Variants in L3MBTL4 observed in about 807,000 individuals in gnomAD.
L3MBTL4 encodes the protein lethal(3)malignant brain tumor-like protein 4.
A neutral mutation model predicts 84.5 loss-of-function variants in L3MBTL4; 70 were observed. The ratio of observed to expected loss-of-function variants is 0.83; its 90% CI spans 0.68 to 1.01. The LOEUF is 1.01. Among genes scored for constraint, L3MBTL4 ranks in the 50% least tolerant of loss-of-function variants. The probability of loss-of-function intolerance (pLI) is 0.00; values close to 1 mark genes in which losing one functional copy is unlikely to be tolerated. For synonymous variants in L3MBTL4, 274 were observed against 259.8 expected (o/e 1.05, Z -0.52); for missense variants, 715 against 754.8 (o/e 0.95, Z 0.62).
At chr18:6,393,172 T>C (rs1372480997) in intron 1 of L3MBTL4, among the ~76,000 whole-genome samples, 4 of 152,222 alleles carry the variant, frequency 2.6e-5, no homozygotes, top group Non-Finnish European at 5.9e-5. Context: ...CCAAATGTAA[T>C]CACACATTAT....
intron 16 of L3MBTL4, among the ~76,000 whole-genome samples, chr18:6,027,644 C>T (rs987383580): frequency 2.0e-5 from 3 of 152,176 alleles, no homozygotes; most frequent in Non-Finnish European, 4.4e-5. Context: ...CTAATTCACG[C>T]TCCCACCAAC....
chr18:6,015,037 C>A (rs556567049), intron 16 of L3MBTL4, among the ~76,000 whole-genome samples: 2 of 151,482 alleles, frequency 1.3e-5, no homozygotes, highest in Non-Finnish European at 2.9e-5. Context: ...GGGAGGTTTG[C>A]GGGGAGGAAA....
intron 4 of L3MBTL4, 126 bp from the exon 5 acceptor site, chr18:6,264,164 T>A: frequency 1.5e-6 from 1 of 666,216 alleles, no homozygotes; most frequent in Non-Finnish European, 2.6e-6. Flanking sequence ...ACCCAGCAAC[T>A]AAGAAGAGTC....
intron 12 of L3MBTL4, among the ~76,000 whole-genome samples, chr18:6,188,546 GC>G (rs913473155): frequency 6.6e-6 from 1 of 152,168 alleles, no homozygotes; most frequent in Admixed American, 6.5e-5. Context: ...GAAAAGGAGG[GC>G]CCTTTCCTAA....
chr18:6,264,095 A>T, intron 4 of L3MBTL4, 57 bp from the exon 5 acceptor site: 1 of 1,285,092 alleles, frequency 7.8e-7, no homozygotes, highest in East Asian at 2.3e-5. Flanking sequence ...GAAAATAATA[A>T]AACTTACTTG....
At chr18:6,005,003 T>A (rs2054401092) in intron 16 of L3MBTL4, among the ~76,000 whole-genome samples, 1 of 125,696 alleles carries the variant, frequency 8.0e-6, no homozygotes, top group African/African-American at 3.0e-5. Context: ...GATAATTTTT[T>A]TTTTTTTTTT....
chr18:6,216,262 A>G (rs79080695), intron 10 of L3MBTL4, among the ~76,000 whole-genome samples: 5,357 of 152,274 alleles, frequency 0.035, 325 homozygotes, highest in African/African-American at 0.12. Flanking sequence ...TAATCATTCT[A>G]TATCTATTAA....
At chr18:6,003,046 A>T (rs928477898) in intron 16 of L3MBTL4, among the ~76,000 whole-genome samples, 1 of 116,698 alleles carries the variant, frequency 8.6e-6, no homozygotes, top group Non-Finnish European at 1.7e-5. Context: ...TAGAGATACT[A>T]TATAAAATAT....
Position 6,208,806 on chromosome 18 carries a change from C to T in L3MBTL4, c.981+4343G>A, listed in dbSNP as rs78483369. 2.0e-3 allele frequency among the ~76,000 whole-genome samples: 304 copies of T among 152,296 alleles called. 1 individual carries two copies. Among genetic ancestry groups the T allele is most frequent in the Middle Eastern group, 0.017 (5 of 294 alleles). ...CAAGATACACTGAGTACATCATAAA[C>T]GCTTATTAGAGAGCAACCATCATAA... On this transcript the variant is annotated intron_variant, in intron 12 of 18. Transcript: ENST00000317931.
At chr18:6,264,154 AC>A (rs1166638706) in intron 4 of L3MBTL4, 116 bp from the exon 5 acceptor site, 2 of 711,756 alleles carry the variant, frequency 2.8e-6, no homozygotes, top group Admixed American at 2.5e-5. Flanking sequence ...TAGTTGAAAG[AC>A]CCAGCAACTA....
intron 16 of L3MBTL4, among the ~76,000 whole-genome samples, chr18:6,025,462 T>C (rs1181134358): frequency 6.6e-6 from 1 of 152,254 alleles, no homozygotes; most frequent in Non-Finnish European, 1.5e-5. Context: ...TATCAGTGTC[T>C]GATTAATGCA....
intron 1 of L3MBTL4, among the ~76,000 whole-genome samples, chr18:6,314,556 A>G (rs776539611): frequency 6.6e-6 from 1 of 152,208 alleles, no homozygotes; most frequent in Non-Finnish European, 1.5e-5. Flanking sequence ...AACAACATAG[A>G]TAACTACATA....
chr18:6,328,823 T>A (rs1021775001), intron 1 of L3MBTL4, among the ~76,000 whole-genome samples: 1 of 152,226 alleles, frequency 6.6e-6, no homozygotes, highest in Non-Finnish European at 1.5e-5. Context: ...CCAGCTTAGC[T>A]GGCAGGGAGA....
chr18:6,149,294 T>C lies in L3MBTL4; in HGVS notation c.1097-10998A>G, dbSNP rs538568527. Among the ~76,000 whole-genome samples the C allele has an allele frequency of 1.0e-4, 15 of 150,142 alleles. No individual in the cohort carries two copies. In the East Asian group the frequency reaches 2.8e-3, roughly 28 times the overall value. ...ATTCCCACCTATGAGTGAGAACATA[T>C]GGTGTTTGGTTTTTTGTCCTTGCGA... On this transcript the variant is annotated intron_variant, in intron 13 of 18. Coordinates refer to ENST00000317931, the MANE Select transcript of L3MBTL4 (RefSeq NM_001330559.2).
intron 10 of L3MBTL4, among the ~76,000 whole-genome samples, chr18:6,234,454 T>A (rs1260113405): frequency 6.6e-6 from 1 of 151,878 alleles, no homozygotes; most frequent in Non-Finnish European, 1.5e-5. Flanking sequence ...TACAATGAAC[T>A]CAAACAAATT....
At chr18:6,062,386 C>T (rs894369990) in intron 16 of L3MBTL4, among the ~76,000 whole-genome samples, 2 of 151,990 alleles carry the variant, frequency 1.3e-5, no homozygotes, top group Non-Finnish European at 2.9e-5. Context: ...TTATTTTCCT[C>T]TGGCTTCTTT....
At chr18:6,271,310 C>A (rs1330184628) in intron 4 of L3MBTL4, among the ~76,000 whole-genome samples, 1 of 152,108 alleles carries the variant, frequency 6.6e-6, no homozygotes, top group Non-Finnish European at 1.5e-5. Flanking sequence ...AATTATTCCA[C>A]ATTGTATTTA....
chr18:5,968,736 T>TA (rs961707579), intron 17 of L3MBTL4, among the ~76,000 whole-genome samples: 6 of 145,848 alleles, frequency 4.1e-5, no homozygotes, highest in African/African-American at 1.5e-4. Context: ...TAAAATAAAA[T>TA]AAAATAAAAT....
chr18:6,131,169 A>G (rs1427811811), intron 14 of L3MBTL4, among the ~76,000 whole-genome samples: 1 of 152,208 alleles, frequency 6.6e-6, no homozygotes, highest in East Asian at 1.9e-4. Flanking sequence ...CAAGGCTTCA[A>G]TATCAGAATC....
Sources: gnomAD v4.1 joint callset for allele counts (sites outside exome capture counted in the v4.1 genomes callset) on GRCh38, gnomAD v4.1.1 for gene constraint, MANE v1.5 for transcripts, NCBI Gene and HGNC (gene_info 2026-07-23, HGNC 2026-07-21) for gene names.